SGCD: variants seen among roughly 807,000 people sequenced by gnomAD.
SGCD encodes delta-sarcoglycan.
In SGCD, 18 loss-of-function variants were observed where a neutral mutation model predicts 36.6. That is an observed-to-expected ratio of 0.49 (90% CI 0.34 to 0.73). The LOEUF (loss-of-function observed/expected upper bound fraction) is 0.73, where lower values mean the gene tolerates loss of function less well. Ranked by LOEUF, SGCD falls within the 30% of genes least tolerant of loss-of-function variation. SGCD has a pLI of 0.01. For synonymous variants in SGCD, 133 were observed against 130.6 expected, an observed-to-expected ratio of 1.02 and a Z score of -0.12; for missense variants, 387 against 346.7, an observed-to-expected ratio of 1.12 and a Z score of -0.92.
At chr5:156,004,165 G>C (rs1758714121) in intron 1 of SGCD, among the ~76,000 whole-genome samples, 1 of 152,060 alleles carries the variant, frequency 6.6e-6, no homozygotes, top group African/African-American at 2.4e-5. Context: ...ATTTCAGGGG[G>C]AGAGGCTATT....
At chr5:156,544,321 T>C (rs540557941) in intron 4 of SGCD, among the ~76,000 whole-genome samples, 1 of 152,190 alleles carries the variant, frequency 6.6e-6, no homozygotes. Context: ...TCAACCTACC[T>C]GGTAATAAGG....
chr5:156,481,291 A>T (rs751658204), intron 3 of SGCD, among the ~76,000 whole-genome samples: 2 of 152,114 alleles, frequency 1.3e-5, no homozygotes, highest in African/African-American at 4.8e-5. Context: ...GTAGAGGTCT[A>T]TGTTATTGGG....
chr5:156,094,194 G>A (rs1761321848), intron 1 of SGCD, among the ~76,000 whole-genome samples: 1 of 152,172 alleles, frequency 6.6e-6, no homozygotes, highest in Admixed American at 6.5e-5. Flanking sequence ...GGCTGCTGCT[G>A]CAGCCTTGGG....
the SGCD span, among the ~76,000 whole-genome samples, chr5:155,764,601 A>G: frequency 6.6e-6 from 1 of 152,178 alleles, no homozygotes; most frequent in African/African-American, 2.4e-5. Context: ...GCTGGAGCCC[A>G]TTGAAAACCT....
chr5:156,453,544 A>G (rs1181461126), intron 3 of SGCD, among the ~76,000 whole-genome samples: 2 of 152,184 alleles, frequency 1.3e-5, no homozygotes, highest in African/African-American at 4.8e-5. Flanking sequence ...GTGATGCTCA[A>G]CCAGGGGTGG....
chr5:155,800,894 G>A, the SGCD span, among the ~76,000 whole-genome samples: 12 of 151,736 alleles, frequency 7.9e-5, no homozygotes, highest in East Asian at 1.9e-4. Flanking sequence ...TCCTATGCTC[G>A]ACCTCCCAGG....
At chr5:156,310,698 T>C (rs1307835625) in intron 3 of SGCD, among the ~76,000 whole-genome samples, 1 of 152,258 alleles carries the variant, frequency 6.6e-6, no homozygotes, top group African/African-American at 2.4e-5. Context: ...TTTCTCTATT[T>C]ATTTTTGTGT....
At chr5:156,247,485 G>A (rs948016303) in intron 3 of SGCD, among the ~76,000 whole-genome samples, 1 of 152,234 alleles carries the variant, frequency 6.6e-6, no homozygotes, top group South Asian at 2.1e-4. Flanking sequence ...CAGGTGAGAG[G>A]TTATTGCCAT....
At chr5:156,472,684 C>T (rs942355508) in intron 3 of SGCD, among the ~76,000 whole-genome samples, 1 of 152,152 alleles carries the variant, frequency 6.6e-6, no homozygotes, top group Non-Finnish European at 1.5e-5. Context: ...TCCCAAAGTG[C>T]TTGGATGGGA....
chr5:156,611,329 G>A (rs1323505629), intron 6 of SGCD, among the ~76,000 whole-genome samples: 2 of 152,164 alleles, frequency 1.3e-5, no homozygotes, highest in African/African-American at 2.4e-5. Flanking sequence ...GCTTTTGCTT[G>A]TGTGCAAAAG....
At chr5:156,101,010 A>G (rs1221005191) in intron 1 of SGCD, among the ~76,000 whole-genome samples, 1 of 152,128 alleles carries the variant, frequency 6.6e-6, no homozygotes, top group African/African-American at 2.4e-5. Flanking sequence ...GCCCTCATGA[A>G]TGGGATTTGT....
At chr5:156,564,470 A>C (rs1439416677) in intron 4 of SGCD, among the ~76,000 whole-genome samples, 1 of 152,112 alleles carries the variant, frequency 6.6e-6, no homozygotes, top group Non-Finnish European at 1.5e-5. Context: ...AAAACAAAAC[A>C]ATTTAATTTA....
chr5:156,467,950 T>A (rs1754786735), intron 3 of SGCD, among the ~76,000 whole-genome samples: 1 of 152,220 alleles, frequency 6.6e-6, no homozygotes, highest in Non-Finnish European at 1.5e-5. Context: ...AAGGGAAGGA[T>A]CATAGCCTGT....
intron 3 of SGCD, among the ~76,000 whole-genome samples, chr5:156,486,956 C>T (rs981660983): frequency 6.6e-6 from 1 of 152,156 alleles, no homozygotes; most frequent in Non-Finnish European, 1.5e-5. Flanking sequence ...CACATGCCAC[C>T]CAGATGCTTG....
intron 7 of SGCD, among the ~76,000 whole-genome samples, chr5:156,653,292 G>T (rs939962440): frequency 6.3e-4 from 26 of 41,500 alleles, no homozygotes; most frequent in Admixed American, 2.1e-3. Flanking sequence ...TTCTTTTCGG[G>T]GTTTCAACTT....
In SGCD at chr5:156,343,247, A is replaced by G. The variant is rs192637094; in HGVS notation, c.4-1242A>G. Among the ~76,000 whole-genome samples the G allele has an allele frequency of 6.2e-3, 952 of 152,328 alleles. 4 individuals carry two copies. Among genetic ancestry groups the G allele is most frequent in the Non-Finnish European group, 8.9e-3 (604 of 68,030 alleles). ...TACTAATTTATTGCTATTGGCTGAG[A>G]AGAAAATAAATGGAGTAGGTCTTAT... is the stretch of plus-strand genomic sequence containing the variant. On this transcript the variant is annotated intron_variant, in intron 2 of 8. Coordinates refer to ENST00000337851, the MANE Select transcript of SGCD (RefSeq NM_000337.6).
At chr5:156,198,048 T>C (rs1022779301) in intron 3 of SGCD, among the ~76,000 whole-genome samples, 3 of 152,146 alleles carry the variant, frequency 2.0e-5, no homozygotes, top group Middle Eastern at 3.2e-3. Context: ...CTTCATCTTA[T>C]TCCCTTTGTA....
chr5:155,742,636 T>C, the SGCD span, among the ~76,000 whole-genome samples: 8 of 152,166 alleles, frequency 5.3e-5, no homozygotes, highest in Non-Finnish European at 8.8e-5. Context: ...ACCAAAATGT[T>C]TGTGGTTCCC....
chr5:156,220,241 A>G lies in SGCD; in HGVS notation c.-44+96222A>G, dbSNP rs10037695. 8.3e-3 allele frequency among the ~76,000 whole-genome samples: 1,266 copies of G among 152,238 alleles called. 22 individuals are homozygous for G. Among genetic ancestry groups the G allele is most frequent in the African/African-American group, 0.029 (1,207 of 41,554 alleles). On this transcript the variant is annotated intron_variant, in intron 3 of 9. Transcript: ENST00000517913. ...TATGTATTTCTGCAGTTTTATTGCT[A>G]TAGAAGTCCTGCTCCTCAGATTTTC...
Sources: gnomAD v4.1 joint callset for allele counts (sites outside exome capture counted in the v4.1 genomes callset) on GRCh38, gnomAD v4.1.1 for gene constraint, MANE v1.5 for transcripts, NCBI Gene and HGNC (gene_info 2026-07-23, HGNC 2026-07-21) for gene names.